Variants in NEO1 observed in about 807,000 individuals in gnomAD.
The protein encoded by NEO1 is neogenin 1.
Under a neutral mutation model 159.7 loss-of-function variants are expected in NEO1, and 63 were observed. The ratio of observed to expected loss-of-function variants is 0.39; its 90% CI spans 0.32 to 0.49. The LOEUF (loss-of-function observed/expected upper bound fraction) is 0.49. Ranked by LOEUF, NEO1 falls within the 20% of genes least tolerant of loss-of-function variation. NEO1 has a pLI of 0.85. For missense variants in NEO1, 1,615 were observed against 1,831.0 expected, an observed-to-expected ratio of 0.88 and a Z score of 2.15; for synonymous variants, 633 against 662.0, an observed-to-expected ratio of 0.96 and a Z score of 0.67.
chr15:73,105,340 G>A (rs753553233), intron 1 of NEO1, among the ~76,000 whole-genome samples: 6 of 152,182 alleles, frequency 3.9e-5, no homozygotes, highest in Non-Finnish European at 8.8e-5. Context: ...GCCTAAGAGT[G>A]CCTGCTGCGT....
chr15:73,288,643 C>A, intron 24 of NEO1, 92 bp downstream of exon 24: 2 of 1,061,476 alleles, frequency 1.9e-6, no homozygotes, highest in Non-Finnish European at 2.9e-6. Context: ...CTTCATTTGG[C>A]AATTCCTATA....
At chr15:73,248,266 C>T (rs920706483) in intron 9 of NEO1, among the ~76,000 whole-genome samples, 1 of 152,130 alleles carries the variant, frequency 6.6e-6, no homozygotes, top group African/African-American at 2.4e-5. Flanking sequence ...CATGTCCTTT[C>T]TAAACACAGA....
At chr15:73,184,195 G>A (rs1043575262) in intron 7 of NEO1, among the ~76,000 whole-genome samples, 3 of 151,406 alleles carry the variant, frequency 2.0e-5, no homozygotes, top group Non-Finnish European at 2.9e-5. Flanking sequence ...CACTCTTGTC[G>A]CCCAGGCTGT....
chr15:73,090,156 A>G (rs751686718), intron 1 of NEO1, among the ~76,000 whole-genome samples: 18 of 152,168 alleles, frequency 1.2e-4, no homozygotes, highest in Non-Finnish European at 2.4e-4. Flanking sequence ...TGTGAGAGAA[A>G]CAAGTTGCAT....
At chr15:73,267,298 C>T (rs1192889460) in intron 16 of NEO1, among the ~76,000 whole-genome samples, 3 of 152,146 alleles carry the variant, frequency 2.0e-5, no homozygotes, top group Non-Finnish European at 2.9e-5. Flanking sequence ...AAGTAATATA[C>T]ATGTCATGTA....
chr15:73,126,458 T>C lies in NEO1; in HGVS notation c.766T>C (p.Ser256Pro). ...ISDLVFLKQP[S>P]PLVRVIGQDV... ...AGACTTGGTATTTTTGAAACAGCCT[T>C]CTCCCTTAGTCAGAGTCATTGGTCA... Residue 256 changes from serine to proline, a missense_variant, in exon 4 of 29, where the codon TCT (serine) becomes CCT (proline). Physicochemically the swap from Ser to Pro is moderately conservative, Grantham distance 74. Transcript: ENST00000261908. 6.2e-7 allele frequency: 1 copy of C among 1,611,206 alleles called. No homozygotes were observed. Among genetic ancestry groups the C allele is most frequent in the Non-Finnish European group, 8.5e-7 (1 of 1,178,908 alleles).
intron 1 of NEO1, among the ~76,000 whole-genome samples, chr15:73,092,382 C>G (rs1186281970): frequency 1.3e-5 from 2 of 152,144 alleles, no homozygotes; most frequent in African/African-American, 4.8e-5. Context: ...GAGCAAAACA[C>G]ATGGTTATCT....
chr15:73,212,027 C>T (rs965819874), intron 7 of NEO1, among the ~76,000 whole-genome samples: 1 of 152,080 alleles, frequency 6.6e-6, no homozygotes, highest in Non-Finnish European at 1.5e-5. Context: ...AGTGATGTAC[C>T]CTTTTCAATA....
rs1175120345 is a variant in NEO1 at position 73,052,553 on chromosome 15, T to G, written c.-123T>G. The G allele has an allele frequency of 6.5e-6, 3 of 463,786 alleles. No individual in the cohort carries two copies. The highest frequency in any genetic ancestry group is 9.3e-6 in the Non-Finnish European group (3 of 322,220). The allele number at this position is 463,786 out of a possible 1,614,324, so 28.7% of individuals were successfully genotyped here. A position where few individuals can be genotyped will look rare whatever the true frequency, so the allele number is the denominator to read the frequency against. ...CGGGCCGGGCCGGGCCGGGCTGGGC[T>G]GGAGCAGCGGCGGCCGCGGGAGCCG... On this transcript the variant is annotated 5_prime_UTR_variant, in exon 1 of 29. Coordinates refer to ENST00000261908, the MANE Select transcript of NEO1 (RefSeq NM_002499.4).
At chr15:73,210,347 A>G (rs1030090768) in intron 7 of NEO1, among the ~76,000 whole-genome samples, 9 of 152,206 alleles carry the variant, frequency 5.9e-5, no homozygotes, top group Non-Finnish European at 1.0e-4. Context: ...TCCTGTAGCC[A>G]TAGACCAATT....
At chr15:73,301,529 A>T in intron 28 of NEO1, 72 bp downstream of exon 28, 1 of 1,602,054 alleles carries the variant, frequency 6.2e-7, no homozygotes, top group African/African-American at 1.3e-5. Context: ...CTGCTGGTCA[A>T]GCTGATAATC....
At position 73,298,495 on chromosome 15, in the gene NEO1, C is replaced by T. The variant is rs551876430; in HGVS notation, c.4049C>T (p.Thr1350Ile). ...QEEDSGQSLP[T>I]AHVRPSHPLK... ...GAAGATTCAGGCCAGAGTCTTCCCA[C>T]TGCCCATGTTCGCCCTTCCCACCCA... The change falls in exon 27 of 29, where the codon ACT becomes ATT. Residue 1350 changes from threonine (T) to isoleucine (I), a missense_variant. By Grantham distance (89) the Thr-to-Ile change is moderately conservative (BLOSUM62 -1). Transcript: ENST00000261908. The T allele has an allele frequency of 1.2e-6, 2 of 1,614,104 alleles. No individual in the cohort carries two copies. Among genetic ancestry groups the T allele is most frequent in the Non-Finnish European group, 1.7e-6 (2 of 1,180,046 alleles).
At chr15:73,088,170 AT>A (rs968950517) in intron 1 of NEO1, among the ~76,000 whole-genome samples, 36 of 150,964 alleles carry the variant, frequency 2.4e-4, no homozygotes, top group Admixed American at 4.0e-4. Flanking sequence ...GCATATTCAT[AT>A]TTTTTTTTAA....
At chr15:73,128,116 A>G (rs903461807) in intron 4 of NEO1, among the ~76,000 whole-genome samples, 19 of 152,026 alleles carry the variant, frequency 1.2e-4, no homozygotes, top group African/African-American at 2.7e-4. Flanking sequence ...CCCCAATATC[A>G]CCTGATTTCT....
intron 8 of NEO1, among the ~76,000 whole-genome samples, chr15:73,238,931 C>T (rs1156353324): frequency 6.6e-6 from 1 of 152,116 alleles, no homozygotes; most frequent in African/African-American, 2.4e-5. Flanking sequence ...TCACTGCAGC[C>T]TCCGCTTCCC....
chr15:73,235,090 G>GTCC (rs923964388), intron 7 of NEO1, among the ~76,000 whole-genome samples: 2 of 152,086 alleles, frequency 1.3e-5, no homozygotes, highest in Non-Finnish European at 2.9e-5. Context: ...TTTTAGGTTG[G>GTCC]TCCTCCTTTG....
chr15:73,191,984 G>A (rs2036259534), intron 7 of NEO1, among the ~76,000 whole-genome samples: 1 of 151,958 alleles, frequency 6.6e-6, no homozygotes, highest in Admixed American at 6.6e-5. Context: ...TGTGCTAAGT[G>A]GTGAGGATGA....
Position 73,293,459 on chromosome 15 carries a change from C to G in NEO1, c.3812C>G (p.Ala1271Gly), listed in dbSNP as rs1378360699. 2 of 1,614,222 alleles carry G rather than the reference C, an allele frequency of 1.2e-6. No individual in the cohort carries two copies. Among genetic ancestry groups the G allele is most frequent in the Non-Finnish European group, 1.7e-6 (2 of 1,180,040 alleles). ...CATCATTTCCACTCCAGCAGCCTCG[C>G]TTCTCCAGCTCGCAGTCATCTCTAC... The part of the protein sequence containing the change: ...PHHHFHSSSL[A>G]SPARSHLYHP... The change falls in exon 26 of 29, where the codon GCT becomes GGT. Residue 1271 changes from alanine (A) to glycine (G), a missense_variant. Transcript: ENST00000261908.
At position 73,249,213 on chromosome 15, in the gene NEO1, G is replaced by T. The variant is rs1176289776; in HGVS notation, c.1755+5G>T. The stretch of plus-strand genomic sequence containing the variant: ...AAGGGGACTGATAAAGAACAGGTAT[G>T]AAGTGAAGCAACTTTTCAAACCATT... On this transcript the variant is annotated splice_donor_5th_base_variant and intron_variant, in intron 10 of 28. Coordinates refer to ENST00000261908, the MANE Select transcript of NEO1 (RefSeq NM_002499.4). 2.5e-6 allele frequency: 4 copies of T among 1,613,492 alleles called. No homozygotes were observed. Among genetic ancestry groups the T allele is most frequent in the Non-Finnish European group, 3.4e-6 (4 of 1,179,572 alleles).
Sources: gnomAD v4.1 joint callset for allele counts (sites outside exome capture counted in the v4.1 genomes callset) on GRCh38, gnomAD v4.1.1 for gene constraint, MANE v1.5 for transcripts, NCBI Gene and HGNC (gene_info 2026-07-23, HGNC 2026-07-21) for gene names.